CLVS1: variants seen among roughly 807,000 people sequenced by gnomAD.
The protein encoded by CLVS1 is clavesin-1.
In CLVS1, 10 loss-of-function variants were observed where a neutral mutation model predicts 33.1. That is an observed-to-expected ratio of 0.30 (90% CI 0.19 to 0.51). The LOEUF (loss-of-function observed/expected upper bound fraction) is 0.51. Among genes scored for constraint, CLVS1 ranks in the 20% least tolerant of loss-of-function variants. The pLI is 0.97. For missense variants in CLVS1, 343 were observed against 433.4 expected, an observed-to-expected ratio of 0.79 and a Z score of 1.85; for synonymous variants, 163 against 166.1, an observed-to-expected ratio of 0.98 and a Z score of 0.14.
rs553017850 is a variant in CLVS1 at position 61,339,232 on chromosome 8, A to G, written c.456-37373A>G. Among the ~76,000 whole-genome samples, 4 of 152,240 alleles carry G rather than the reference A, an allele frequency of 2.6e-5. No homozygotes were observed. The South Asian group carries it at 8.3e-4, about 32-fold the overall frequency. On this transcript the variant is annotated intron_variant, in intron 2 of 5. Transcript: ENST00000325897. ...ACAGGAGAAGCATGGTGGTCGAGTG[A>G]GAACACATATCCGACCCCTTGCCTG...
At chr8:61,358,465 G>T (rs1164614158) in intron 2 of CLVS1, among the ~76,000 whole-genome samples, 1 of 152,066 alleles carries the variant, frequency 6.6e-6, no homozygotes, top group Non-Finnish European at 1.5e-5. Flanking sequence ...TCTCTGAACT[G>T]CCCAATCAGT....
chr8:61,166,314 G>A (rs969671106), intron 2 of CLVS1, among the ~76,000 whole-genome samples: 2 of 151,916 alleles, frequency 1.3e-5, no homozygotes, highest in Non-Finnish European at 2.9e-5. Context: ...TTTTAGTACA[G>A]ACGGGATTTC....
At chr8:61,292,392 A>G (rs935035426) in intron 1 of CLVS1, 2 of 456,238 alleles carry the variant, frequency 4.4e-6, no homozygotes, top group Admixed American at 4.7e-5. Flanking sequence ...TCACGGTTAC[A>G]TGGATCTGCT....
chr8:61,016,598 C>A, the CLVS1 span, among the ~76,000 whole-genome samples: 1 of 152,226 alleles, frequency 6.6e-6, no homozygotes, highest in African/African-American at 2.4e-5. Flanking sequence ...CTATCACTTT[C>A]AGTGATTATC....
At chr8:61,302,206 T>C (rs1810461763) in intron 2 of CLVS1, among the ~76,000 whole-genome samples, 2 of 152,194 alleles carry the variant, frequency 1.3e-5, no homozygotes, top group Admixed American at 1.3e-4. Context: ...ACTATCAGTC[T>C]AGAATTTGGT....
upstream of CLVS1, among the ~76,000 whole-genome samples, chr8:61,285,101 G>A (rs1162283696): frequency 6.6e-6 from 1 of 152,022 alleles, no homozygotes; most frequent in Non-Finnish European, 1.5e-5. Context: ...AAAAAAGTCT[G>A]TGGAGCCTTA....
intron 2 of CLVS1, among the ~76,000 whole-genome samples, chr8:61,165,940 G>C (rs1026413395): frequency 1.3e-5 from 2 of 151,568 alleles, no homozygotes; most frequent in African/African-American, 2.4e-5. Context: ...TCAGCCTTTT[G>C]TGTGCATGTG....
At chr8:61,209,957 A>C (rs1159387675) in intron 2 of CLVS1, among the ~76,000 whole-genome samples, 1 of 152,232 alleles carries the variant, frequency 6.6e-6, no homozygotes, top group Non-Finnish European at 1.5e-5. Flanking sequence ...AATTTTGCAA[A>C]TGTAACTACA....
chr8:61,167,126 G>C (rs1168561903), intron 2 of CLVS1, among the ~76,000 whole-genome samples: 1 of 150,074 alleles, frequency 6.7e-6, no homozygotes, highest in Admixed American at 6.6e-5. Flanking sequence ...CCTGAGTCTT[G>C]TTCTTTTATT....
chr8:61,011,464 T>A, the CLVS1 span, among the ~76,000 whole-genome samples: 5 of 151,190 alleles, frequency 3.3e-5, no homozygotes, highest in Non-Finnish European at 5.9e-5. Flanking sequence ...TTATTTATTT[T>A]TTGAGGTGGA....
chr8:61,069,851 C>A (rs551208550), intron 1 of CLVS1, among the ~76,000 whole-genome samples: 2 of 152,012 alleles, frequency 1.3e-5, no homozygotes, highest in Non-Finnish European at 1.5e-5. Context: ...AGTGCAGTGG[C>A]GCGATCTTGG....
At chr8:61,429,877 A>C (rs1438889332) in intron 3 of CLVS1, among the ~76,000 whole-genome samples, 3 of 152,212 alleles carry the variant, frequency 2.0e-5, no homozygotes, top group African/African-American at 7.2e-5. Flanking sequence ...TCAAGTCAAA[A>C]ATACATGATT....
At chr8:61,217,272 A>G (rs943206185) in intron 2 of CLVS1, among the ~76,000 whole-genome samples, 5 of 152,230 alleles carry the variant, frequency 3.3e-5, no homozygotes, top group African/African-American at 1.2e-4. Flanking sequence ...AGTAAACACC[A>G]TGAACCACAA....
chr8:61,455,788 A>G (rs558622699), intron 4 of CLVS1, among the ~76,000 whole-genome samples: 11 of 152,150 alleles, frequency 7.2e-5, no homozygotes, highest in Non-Finnish European at 1.5e-4. Context: ...CTGAGTATTC[A>G]GGAGGGACTG....
Position 61,115,344 on chromosome 8 carries a change from A to T in CLVS1, c.-242-16426A>T, listed in dbSNP as rs558097265. On this transcript the variant is annotated intron_variant, in intron 1 of 2. Transcript: ENST00000522621. ...AAAAATGGCAACTCTTATTTTTTTT[A>T]TTTTATTTTTATTTTTATTTTTATT... is the stretch of plus-strand genomic sequence containing the variant. Among the ~76,000 whole-genome samples the T allele has an allele frequency of 6.5e-3, 976 of 151,256 alleles. 3 individuals carry two copies. Among genetic ancestry groups the T allele is most frequent in the Middle Eastern group, 0.014 (4 of 290 alleles).
At chr8:61,449,827 T>C (rs968751180) in intron 3 of CLVS1, among the ~76,000 whole-genome samples, 1 of 152,180 alleles carries the variant, frequency 6.6e-6, no homozygotes, top group Non-Finnish European at 1.5e-5. Context: ...TGTCTTCTTC[T>C]CTCCACCTTT....
chr8:61,373,640 T>C (rs1320482698), intron 2 of CLVS1, among the ~76,000 whole-genome samples: 1 of 152,232 alleles, frequency 6.6e-6, no homozygotes, highest in Admixed American at 6.5e-5. Flanking sequence ...CTAAAAGTGC[T>C]CTCCCACAAC....
At chr8:61,414,495 T>C (rs1815355415) in intron 3 of CLVS1, among the ~76,000 whole-genome samples, 1 of 152,028 alleles carries the variant, frequency 6.6e-6, no homozygotes. Flanking sequence ...CAGAATGAGG[T>C]ATCTTTGATA....
At chr8:61,325,277 G>A (rs767289604) in intron 2 of CLVS1, among the ~76,000 whole-genome samples, 21 of 151,836 alleles carry the variant, frequency 1.4e-4, no homozygotes, top group Non-Finnish European at 2.8e-4. Flanking sequence ...ACTTGATTGT[G>A]GTAATCATTT....
Sources: allele counts gnomAD v4.1 joint callset (sites outside exome capture counted in the v4.1 genomes callset), GRCh38; gene constraint gnomAD v4.1.1; transcripts MANE v1.5; gene names NCBI Gene and HGNC (gene_info 2026-07-23, HGNC 2026-07-21).